SGCG: variants seen among roughly 807,000 people sequenced by gnomAD.
SGCG encodes gamma-sarcoglycan.
In SGCG, 26 loss-of-function variants were observed where a neutral mutation model predicts 29.3. That is an observed-to-expected ratio of 0.89 (90% CI 0.65 to 1.23). The LOEUF (loss-of-function observed/expected upper bound fraction) is 1.23. SGCG is among the 50% of genes most tolerant of loss of function. The pLI is 0.00. For synonymous variants in SGCG, 145 were observed against 129.7 expected (o/e 1.12, Z -0.80); for missense variants, 353 against 356.0 (o/e 0.99, Z 0.07).
chr13:23,312,753 T>A (rs1013179775), intron 6 of SGCG, among the ~76,000 whole-genome samples: 1 of 152,206 alleles, frequency 6.6e-6, no homozygotes, highest in Non-Finnish European at 1.5e-5. Context: ...TCTATACATA[T>A]TTTTAAACTG....
chr13:23,265,111 C>A (rs779215762), intron 4 of SGCG, among the ~76,000 whole-genome samples: 21 of 152,060 alleles, frequency 1.4e-4, no homozygotes, highest in Non-Finnish European at 5.9e-5. Flanking sequence ...AATAAATACT[C>A]ATCAGAGTAA....
chr13:23,292,869 C>T (rs1026637973), intron 5 of SGCG, among the ~76,000 whole-genome samples: 10 of 152,172 alleles, frequency 6.6e-5, no homozygotes, highest in Non-Finnish European at 1.0e-4. Context: ...TTAAGCATAG[C>T]TCTGCTTGTC....
intron 4 of SGCG, among the ~76,000 whole-genome samples, chr13:23,277,909 A>G (rs1475695418): frequency 1.3e-5 from 2 of 151,968 alleles, no homozygotes; most frequent in African/African-American, 4.8e-5. Flanking sequence ...CGTGTTAGCC[A>G]GGATGGTCTC....
chr13:23,259,468 T>C (rs897844621), intron 4 of SGCG, among the ~76,000 whole-genome samples: 5 of 152,104 alleles, frequency 3.3e-5, no homozygotes, highest in Non-Finnish European at 2.9e-5. Context: ...GGTCTATCAA[T>C]TTTGTTGATC....
chr13:23,210,163 C>T (rs1248582620), intron 2 of SGCG, among the ~76,000 whole-genome samples: 4 of 152,072 alleles, frequency 2.6e-5, no homozygotes, highest in Admixed American at 6.5e-5. Flanking sequence ...TAACCACTTC[C>T]TACTGGGAAA....
At chr13:23,264,440 A>G (rs867575777) in intron 4 of SGCG, among the ~76,000 whole-genome samples, 33 of 152,228 alleles carry the variant, frequency 2.2e-4, no homozygotes, top group African/African-American at 7.7e-4. Flanking sequence ...GATGCAAGCA[A>G]ATTGAAATAC....
intron 6 of SGCG, among the ~76,000 whole-genome samples, chr13:23,314,480 T>C (rs1882734008): frequency 2.1e-5 from 3 of 142,272 alleles, no homozygotes; most frequent in South Asian, 4.5e-4. Context: ...GATATATATC[T>C]TATTAGTTCT....
At chr13:23,230,157 A>G (rs1879055387) in intron 2 of SGCG, among the ~76,000 whole-genome samples, 1 of 152,136 alleles carries the variant, frequency 6.6e-6, no homozygotes, top group Admixed American at 6.5e-5. Flanking sequence ...TTTTTGTACC[A>G]GTACTGTGCT....
Position 23,324,795 on chromosome 13 carries a change from G to A in SGCG, c.*254G>A, listed in dbSNP as rs3751371. The A allele has an allele frequency of 0.37, 183,165 of 488,628 alleles. 36,811 individuals are homozygous for A. Among genetic ancestry groups the A allele is most frequent in the South Asian group, 0.5 (24,763 of 49,932 alleles). The allele number at this position is 488,628 out of a possible 1,614,324, so 30.3% of individuals were successfully genotyped here. A position where few individuals can be genotyped will look rare whatever the true frequency, so the allele number is the denominator to read the frequency against. On this transcript the variant is annotated 3_prime_UTR_variant, in exon 8 of 8. Coordinates refer to ENST00000218867, the MANE Select transcript of SGCG (RefSeq NM_000231.3). ...TTTTTCCACTGGATTAATTTTCACC[G>A]GAACAATTGCGAATTCTCTCTGCCT...
At chr13:23,249,501 A>G (rs556338467) in intron 3 of SGCG, among the ~76,000 whole-genome samples, 162 of 152,332 alleles carry the variant, frequency 1.1e-3, no homozygotes, top group African/African-American at 3.8e-3. Context: ...ATTCATATCT[A>G]ACTTCAAAAT....
chr13:23,257,761 A>G (rs950646492), intron 4 of SGCG, among the ~76,000 whole-genome samples: 6 of 152,180 alleles, frequency 3.9e-5, no homozygotes, highest in African/African-American at 1.4e-4. Flanking sequence ...AGCTTTCTAC[A>G]TATGGCTAGC....
At chr13:23,312,007 T>C (rs1882617178) in intron 6 of SGCG, among the ~76,000 whole-genome samples, 1 of 152,192 alleles carries the variant, frequency 6.6e-6, no homozygotes, top group African/African-American at 2.4e-5. Flanking sequence ...CCTCATCGTT[T>C]CCAAGGTTGC....
chr13:23,188,064 C>G (rs1877064899), intron 1 of SGCG, among the ~76,000 whole-genome samples: 1 of 152,172 alleles, frequency 6.6e-6, no homozygotes, highest in African/African-American at 2.4e-5. Context: ...GAGCCCTGTT[C>G]TGGCCACACT....
At chr13:23,297,598 CT>C (rs1350326963) in intron 6 of SGCG, among the ~76,000 whole-genome samples, 1 of 152,216 alleles carries the variant, frequency 6.6e-6, no homozygotes, top group African/African-American at 2.4e-5. Context: ...TTAAGAACGC[CT>C]TTAAGCGGTT....
intron 4 of SGCG, among the ~76,000 whole-genome samples, chr13:23,254,316 G>A (rs527773542): frequency 3.5e-4 from 54 of 152,272 alleles, no homozygotes; most frequent in African/African-American, 1.2e-3. Context: ...TTGGGACCTG[G>A]AATAAACATC....
chr13:23,308,674 C>G (rs1882441935), intron 6 of SGCG, among the ~76,000 whole-genome samples: 1 of 152,076 alleles, frequency 6.6e-6, no homozygotes, highest in Admixed American at 6.6e-5. Context: ...AAGTGATTCT[C>G]CCACCTTAGC....
chr13:23,312,971 A>C (rs549798765), intron 6 of SGCG, among the ~76,000 whole-genome samples: 6 of 152,234 alleles, frequency 3.9e-5, no homozygotes, highest in African/African-American at 1.4e-4. Context: ...TATGGTATGT[A>C]AGGTGAGTTA....
upstream of SGCG, among the ~76,000 whole-genome samples, chr13:23,177,805 C>T (rs555020098): frequency 8.6e-5 from 13 of 151,978 alleles, no homozygotes; most frequent in East Asian, 3.9e-4. Flanking sequence ...TTTTGAACTC[C>T]TGACCTCAAG....
chr13:23,270,151 G>C (rs989087552), intron 4 of SGCG, among the ~76,000 whole-genome samples: 2 of 152,196 alleles, frequency 1.3e-5, no homozygotes, highest in Non-Finnish European at 2.9e-5. Flanking sequence ...TGGGATTACA[G>C]GCGTGAGCCA....
Sources: gnomAD v4.1 joint callset for allele counts (sites outside exome capture counted in the v4.1 genomes callset) on GRCh38, gnomAD v4.1.1 for gene constraint, MANE v1.5 for transcripts, NCBI Gene and HGNC (gene_info 2026-07-23, HGNC 2026-07-21) for gene names.